The following BCAT1 variants were observed in gnomAD, a reference collection of about 807,000 sequenced individuals.
BCAT1 encodes the protein branched chain amino acid transaminase 1, also known as branched-chain-amino-acid aminotransferase, cytosolic.
BCAT1 carries 48 observed loss-of-function variants against 52.4 expected under a neutral mutation model. The observed-to-expected ratio is 0.92, with a 90% CI of 0.73 to 1.16. BCAT1 has a LOEUF of 1.16. BCAT1 is among the 50% of genes most tolerant of loss of function. The pLI, the probability that BCAT1 is intolerant of heterozygous loss-of-function variation, is 0.00. For missense variants in BCAT1, 451 were observed against 457.1 expected (o/e 0.99, Z 0.12); for synonymous variants, 167 against 161.3 (o/e 1.04, Z -0.27).
At chr12:24,876,260 T>TAAAAAAAAAAAAA (rs71448093) in intron 5 of BCAT1, among the ~76,000 whole-genome samples, 3 of 109,858 alleles carry the variant, frequency 2.7e-5, no homozygotes, top group Non-Finnish European at 5.4e-5. Flanking sequence ...GAGGGAGATG[T>TAAAAAAAAAAAAA]AAAAAAAAAA....
rs1198215872 is a variant in BCAT1, at chr12:24,810,363, C to T, written c.*7645G>A. The stretch of plus-strand genomic sequence containing the variant: ...TCAGATTCATGATTTGAAAAATATG[C>T]TTAAATCACACTGAATCAGCTTAGC... On this transcript the variant is annotated 3_prime_UTR_variant, in exon 11 of 11. Transcript: ENST00000261192. 1 of 152,110 alleles carries T rather than the reference C, an allele frequency of 6.6e-6. No individual in the cohort carries two copies. The highest frequency in any genetic ancestry group is 1.5e-5 in the Non-Finnish European group (1 of 68,024). 9.4% of individuals were successfully genotyped at this position (152,110 alleles called of 1,614,324 possible).
chr12:24,922,654 C>T (rs1185251659), intron 1 of BCAT1, among the ~76,000 whole-genome samples: 6 of 151,996 alleles, frequency 3.9e-5, no homozygotes. Context: ...AGGCGGATCA[C>T]GAGGTCAGGA....
At chr12:24,913,763 C>T (rs1943364892) in intron 1 of BCAT1, among the ~76,000 whole-genome samples, 1 of 152,198 alleles carries the variant, frequency 6.6e-6, no homozygotes. Context: ...CCCTTCTTGC[C>T]TCTCTGAGCA....
At chr12:24,837,851 G>A (rs1182030084) in intron 7 of BCAT1, among the ~76,000 whole-genome samples, 3 of 152,040 alleles carry the variant, frequency 2.0e-5, no homozygotes, top group African/African-American at 4.8e-5. Flanking sequence ...GCACGTGTAC[G>A]GTTAAAAAAG....
chr12:24,820,385 G>A (rs533717741), intron 10 of BCAT1, among the ~76,000 whole-genome samples: 14 of 152,224 alleles, frequency 9.2e-5, no homozygotes, highest in Non-Finnish European at 1.6e-4. Flanking sequence ...TTTTTCAAGG[G>A]AAAATAATTC....
chr12:24,878,681 A>G, intron 4 of BCAT1, 32 bp from the exon 5 acceptor site: 1 of 1,572,222 alleles, frequency 6.4e-7, no homozygotes, highest in Non-Finnish European at 8.6e-7. Context: ...TAAATGACAG[A>G]ATTTTCTCAC....
chr12:24,939,982 T>C (rs1440925768), intron 1 of BCAT1, among the ~76,000 whole-genome samples: 3 of 152,210 alleles, frequency 2.0e-5, no homozygotes, highest in Admixed American at 6.5e-5. Context: ...AACTCACGTG[T>C]CAAAAATCAA....
At chr12:24,905,715 A>T (rs1565493727) in intron 1 of BCAT1, among the ~76,000 whole-genome samples, 1 of 152,180 alleles carries the variant, frequency 6.6e-6, no homozygotes, top group Non-Finnish European at 1.5e-5. Flanking sequence ...AAGAAGCTGT[A>T]GCTTTAGCAG....
chr12:24,824,276 C>CTTCCT (rs1566554079), intron 10 of BCAT1, among the ~76,000 whole-genome samples: 2 of 143,324 alleles, frequency 1.4e-5, no homozygotes, highest in South Asian at 2.3e-4. Flanking sequence ...CATTCCCTCC[C>CTTCCT]TCCCTCCCTC....
rs1216961764 is a variant in BCAT1, at chr12:24,878,636, T to C, written c.404A>G (p.Glu135Gly). The C allele has an allele frequency of 6.2e-7, 1 of 1,602,838 alleles. No individual in the cohort carries two copies. The highest frequency in any genetic ancestry group is 2.2e-5 in the East Asian group (1 of 44,734). The part of the protein sequence containing the change: ...VRATLPVFDK[E>G]ELLECIQQLV... ...CTGTTGAATACACTCTAAGAGCTCT[T>C]CTTTGTCAAATACCTGAAAGAATGA... Residue 135 changes from glutamate (E) to glycine (G), a missense_variant, in exon 5 of 11, where the codon GAA (glutamate) becomes GGA (glycine). Glu to Gly is a moderately conservative substitution (Grantham distance 98). Coordinates refer to ENST00000261192, the MANE Select transcript of BCAT1 (RefSeq NM_005504.7).
In BCAT1 at chr12:24,829,817, C is replaced by A. The variant is rs774039967; in HGVS notation, c.1119+6G>T. The A allele has an allele frequency of 6.3e-7, 1 of 1,592,752 alleles. No individual in the cohort carries two copies. The highest frequency in any genetic ancestry group is 8.6e-7 in the Non-Finnish European group (1 of 1,166,744). On this transcript the variant is annotated splice_donor_region_variant and intron_variant, in intron 10 of 10. Coordinates refer to ENST00000261192, the MANE Select transcript of BCAT1 (RefSeq NM_005504.7). The stretch of plus-strand genomic sequence containing the variant: ...GAAAGAAAAGAAAAGAAAAGAAAAG[C>A]TTTACCTGGATATCAGTTAATTTGC...
chr12:24,935,154 G>A lies in BCAT1; in HGVS notation c.6+13773C>T, dbSNP rs1943733854. Among the ~76,000 whole-genome samples, 2 of 152,174 alleles carry A rather than the reference G, an allele frequency of 1.3e-5. 1 individual carries two copies. The highest frequency in any genetic ancestry group is 4.8e-5 in the African/African-American group (2 of 41,444). Reference sequence around the variant, plus strand: ...AGTGGATCCAGTGAGTTGCCTATAGGACATCCAGAAGACTCACTGACGGAG... The same window carrying A: ...AGTGGATCCAGTGAGTTGCCTATAGAACATCCAGAAGACTCACTGACGGAG... On this transcript the variant is annotated intron_variant, in intron 1 of 10. Coordinates refer to ENST00000261192, the MANE Select transcript of BCAT1 (RefSeq NM_005504.7).
intron 1 of BCAT1, chr12:24,903,810 G>A (rs1322881247): frequency 6.6e-6 from 1 of 152,166 alleles, no homozygotes; most frequent in Admixed American, 6.5e-5. Context: ...AGGGAAAGGA[G>A]GATTGGAATA....
chr12:24,827,033 T>C (rs1205356280), intron 10 of BCAT1, among the ~76,000 whole-genome samples: 1 of 152,190 alleles, frequency 6.6e-6, no homozygotes, highest in Non-Finnish European at 1.5e-5. Flanking sequence ...TACAGGTTTT[T>C]TGAGGGAGTC....
rs993874754 is a variant in BCAT1, at chr12:24,816,624, A to G, written c.*1384T>C. The G allele has an allele frequency of 1.5e-5, 6 of 396,834 alleles. No homozygotes were observed. Among genetic ancestry groups the G allele is most frequent in the African/African-American group, 4.1e-5 (2 of 48,302 alleles). The allele number at this position is 396,834 out of a possible 1,614,324, so 24.6% of individuals were successfully genotyped here. ...AAAAAAAAGATTTATTTCTGCAATT[A>G]ACACTTGACATAAAACATTTGTCAT... On this transcript the variant is annotated 3_prime_UTR_variant, in exon 11 of 11. Transcript: ENST00000261192.
intron 1 of BCAT1, among the ~76,000 whole-genome samples, chr12:24,934,404 G>A (rs1301544868): frequency 6.6e-6 from 1 of 152,174 alleles, no homozygotes. Context: ...TTATAGCAGT[G>A]TGAAAACGGA....
At chr12:24,872,989 C>A (rs1050309488) in intron 5 of BCAT1, among the ~76,000 whole-genome samples, 1 of 152,200 alleles carries the variant, frequency 6.6e-6, no homozygotes, top group Non-Finnish European at 1.5e-5. Flanking sequence ...GTCAAGACAC[C>A]TCTACACTTA....
chr12:24,826,532 T>A (rs1010793975), intron 10 of BCAT1, among the ~76,000 whole-genome samples: 14 of 152,336 alleles, frequency 9.2e-5, no homozygotes, highest in Non-Finnish European at 2.1e-4. Context: ...CTGTTTTGGT[T>A]ATTATAGTTT....
chr12:24,938,006 GC>G (rs1175388053), intron 1 of BCAT1, among the ~76,000 whole-genome samples: 1 of 152,178 alleles, frequency 6.6e-6, no homozygotes, highest in Non-Finnish European at 1.5e-5. Context: ...GGATTAAGAT[GC>G]CAGGAAGGGG....
Sources: allele counts gnomAD v4.1 joint callset (sites outside exome capture counted in the v4.1 genomes callset), GRCh38; gene constraint gnomAD v4.1.1; transcripts MANE v1.5; gene names NCBI Gene and HGNC (gene_info 2026-07-23, HGNC 2026-07-21).